The following SLC1A3 variants were observed in gnomAD, a reference collection of about 807,000 sequenced individuals.
SLC1A3 encodes excitatory amino acid transporter 1.
A neutral mutation model predicts 48.1 loss-of-function variants in SLC1A3; 21 were observed. That is an observed-to-expected ratio of 0.44 (90% CI 0.31 to 0.63). The LOEUF (loss-of-function observed/expected upper bound fraction) is 0.63, where lower values mean the gene tolerates loss of function less well. Among genes scored for constraint, SLC1A3 ranks in the 20% least tolerant of loss-of-function variants. The pLI is 0.08. For synonymous variants in SLC1A3, 239 were observed against 251.4 expected (o/e 0.95, Z 0.47); for missense variants, 546 against 689.0 (o/e 0.79, Z 2.32).
At chr5:36,682,332 A>G (rs1742471117) in intron 8 of SLC1A3, among the ~76,000 whole-genome samples, 1 of 152,218 alleles carries the variant, frequency 6.6e-6, no homozygotes, top group Non-Finnish European at 1.5e-5. Flanking sequence ...GTAGAAAATG[A>G]TAATAGTTGT....
At chr5:36,678,085 G>A (rs1742286291) in intron 6 of SLC1A3, among the ~76,000 whole-genome samples, 1 of 152,250 alleles carries the variant, frequency 6.6e-6, no homozygotes, top group African/African-American at 2.4e-5. Context: ...TAGGCTTTGT[G>A]TGGAGGTTGC....
chr5:36,608,852 A>G, intron 2 of SLC1A3: 1 of 1,251,232 alleles, frequency 8.0e-7, no homozygotes, highest in Non-Finnish European at 1.0e-6. Context: ...AAAAATAAAT[A>G]AAATATTTTC....
intron 1 of SLC1A3, among the ~76,000 whole-genome samples, chr5:36,597,401 G>A (rs1738757363): frequency 6.6e-6 from 1 of 151,242 alleles, no homozygotes; most frequent in Non-Finnish European, 1.5e-5. Context: ...ACGCCGCCAC[G>A]CCCGGCTAGT....
At chr5:36,624,304 T>C (rs988044826) in intron 2 of SLC1A3, among the ~76,000 whole-genome samples, 3 of 152,218 alleles carry the variant, frequency 2.0e-5, no homozygotes, top group African/African-American at 4.8e-5. Context: ...TGTGTACCCA[T>C]TTAGACTCCT....
At chr5:36,676,265 T>A (rs997196443) in intron 5 of SLC1A3, among the ~76,000 whole-genome samples, 9 of 152,244 alleles carry the variant, frequency 5.9e-5, no homozygotes, top group African/African-American at 2.2e-4. Context: ...ACAGGTCTAA[T>A]CCCTGAAGGG....
At chr5:36,606,590 A>T (rs1738948710), upstream of SLC1A3, 1 of 152,258 alleles carries the variant, frequency 6.6e-6, no homozygotes. Context: ...TTGCCCTGAT[A>T]GTAACTTGCA....
chr5:36,661,398 C>T lies in SLC1A3; in HGVS notation c.320-9631C>T, dbSNP rs192782278. Among the ~76,000 whole-genome samples, 7 of 152,236 alleles carry T rather than the reference C, an allele frequency of 4.6e-5. No homozygotes were observed. The East Asian group carries it at 1.4e-3, about 29-fold the overall frequency. The stretch of plus-strand genomic sequence containing the variant: ...CTGCACTCCAGCCTGGGCAACAGAG[C>T]GAGACTCCGTCTCAAAGAAAAAGAA... On this transcript the variant is annotated intron_variant, in intron 3 of 9. Transcript: ENST00000265113.
At position 36,634,129 on chromosome 5, in the gene SLC1A3, A is replaced by T. The variant is rs151279716; in HGVS notation, c.319+4542A>T. Among the ~76,000 whole-genome samples the T allele has an allele frequency of 3.1e-3, 475 of 152,218 alleles. 1 individual carries two copies. Among genetic ancestry groups the T allele is most frequent in the African/African-American group, 0.01 (428 of 41,516 alleles). On this transcript the variant is annotated intron_variant, in intron 3 of 9. Coordinates refer to ENST00000265113, the MANE Select transcript of SLC1A3 (RefSeq NM_004172.5). ...CATCTCTACTAAAAATACAAAAATTAGCCAGGAGTGGTGGCGTGTGCCTGT... is the reference window on the plus strand; with the variant it reads ...CATCTCTACTAAAAATACAAAAATTTGCCAGGAGTGGTGGCGTGTGCCTGT...
intron 3 of SLC1A3, among the ~76,000 whole-genome samples, chr5:36,642,763 C>T (rs535204528): frequency 6.6e-6 from 1 of 152,286 alleles, no homozygotes; most frequent in African/African-American, 2.4e-5. Flanking sequence ...TACTTTCTTT[C>T]TCTATAGATC....
In SLC1A3 at chr5:36,651,140, TTAAA is replaced by T. The variant is rs1468451630; in HGVS notation, c.320-19888_320-19885del. Reference sequence around the variant, plus strand: ...TAAGAGTAGGGAAACTAAGTTTTTTTTAAAAAAAAAAAAAAAAAAAAAAAAAGGA... The same window carrying T: ...TAAGAGTAGGGAAACTAAGTTTTTTTAAAAAAAAAAAAAAAAAAAAAAGGA... On this transcript the variant is annotated intron_variant, in intron 3 of 9. Coordinates refer to ENST00000265113, the MANE Select transcript of SLC1A3 (RefSeq NM_004172.5). 9.7e-3 allele frequency among the ~76,000 whole-genome samples: 509 copies of T among 52,386 alleles called. 2 individuals are homozygous for T. Among genetic ancestry groups the T allele is most frequent in the Non-Finnish European group, 0.014 (364 of 25,756 alleles). 34.4% of individuals were successfully genotyped at this position (52,386 alleles called of 152,430 possible). A position where few individuals can be genotyped will look rare whatever the true frequency, so the allele number is the denominator to read the frequency against.
intron 3 of SLC1A3, among the ~76,000 whole-genome samples, chr5:36,640,814 C>A (rs1740586238): frequency 6.6e-6 from 1 of 151,406 alleles, no homozygotes; most frequent in Non-Finnish European, 1.5e-5. Context: ...TCTATAATAC[C>A]CCTGGTCCCC....
At chr5:36,647,703 GA>G (rs1740892533) in intron 3 of SLC1A3, among the ~76,000 whole-genome samples, 2 of 152,100 alleles carry the variant, frequency 1.3e-5, no homozygotes, top group African/African-American at 4.8e-5. Flanking sequence ...GTCAGCATTG[GA>G]AAAAGGGAGA....
chr5:36,635,329 G>T (rs528994772), intron 3 of SLC1A3, among the ~76,000 whole-genome samples: 1 of 152,336 alleles, frequency 6.6e-6, no homozygotes, highest in Non-Finnish European at 1.5e-5. Context: ...GGTAGCTGTT[G>T]GCGGTAAGAG....
chr5:36,638,292 T>C (rs753957639), intron 3 of SLC1A3, among the ~76,000 whole-genome samples: 42 of 152,288 alleles, frequency 2.8e-4, no homozygotes, highest in Non-Finnish European at 5.1e-4. Flanking sequence ...GCAGGACAAA[T>C]AAGAGCCTTA....
chr5:36,686,048 C>T lies in SLC1A3; in HGVS notation c.1425-17C>T. 6.2e-7 allele frequency: 1 copy of T among 1,611,960 alleles called. No homozygotes were observed. Among genetic ancestry groups the T allele is most frequent in the Non-Finnish European group, 8.5e-7 (1 of 1,178,326 alleles). On this transcript the variant is annotated splice_polypyrimidine_tract_variant and intron_variant, in intron 9 of 9. Transcript: ENST00000265113. ...CACGGGAGCCTCGTTTTTCCCTCCT[C>T]CCCACCCTGCCTGCAGGGATCGCCT... is the stretch of plus-strand genomic sequence containing the variant.
Position 36,687,513 on chromosome 5 carries a change from T to G in SLC1A3, c.*1244T>G, listed in dbSNP as rs187043823. 2 of 152,330 alleles carry G rather than the reference T, an allele frequency of 1.3e-5. No homozygotes were observed. The highest frequency in any genetic ancestry group is 1.3e-4 in the Admixed American group (2 of 15,308). The allele number at this position is 152,330 out of a possible 1,614,324, so 9.4% of individuals were successfully genotyped here. Reference sequence around the variant, plus strand: ...ACCAAAACATAAGACGACTTATATATTTGAAAGAAGTCAAATGAATGAGCT... The same window carrying G: ...ACCAAAACATAAGACGACTTATATAGTTGAAAGAAGTCAAATGAATGAGCT... On this transcript the variant is annotated 3_prime_UTR_variant, in exon 10 of 10. Coordinates refer to ENST00000265113, the MANE Select transcript of SLC1A3 (RefSeq NM_004172.5).
intron 3 of SLC1A3, among the ~76,000 whole-genome samples, chr5:36,633,577 A>G (rs1740218238): frequency 6.6e-6 from 1 of 152,212 alleles, no homozygotes; most frequent in Non-Finnish European, 1.5e-5. Context: ...AAGAAGATGT[A>G]TGTTGGGTGC....
intron 3 of SLC1A3, among the ~76,000 whole-genome samples, chr5:36,664,892 G>C (rs542855319): frequency 6.6e-6 from 1 of 152,312 alleles, no homozygotes; most frequent in South Asian, 2.1e-4. Flanking sequence ...AGAAGGCAAA[G>C]GAAGGGAAAG....
intron 8 of SLC1A3, among the ~76,000 whole-genome samples, chr5:36,682,846 C>CAT (rs1742491359): frequency 6.6e-6 from 1 of 152,156 alleles, no homozygotes; most frequent in African/African-American, 2.4e-5. Flanking sequence ...TCTGGGGAGC[C>CAT]ATATACCAGC....
Sources: gnomAD v4.1 joint callset for allele counts (sites outside exome capture counted in the v4.1 genomes callset) on GRCh38, gnomAD v4.1.1 for gene constraint, MANE v1.5 for transcripts, NCBI Gene and HGNC (gene_info 2026-07-23, HGNC 2026-07-21) for gene names.